The following STRN variants were observed in gnomAD, a reference collection of about 807,000 sequenced individuals.
STRN encodes protein phosphatase 2 regulatory subunit B'''alpha.
STRN carries 53 observed loss-of-function variants against 96.3 expected under a neutral mutation model. The observed-to-expected ratio is 0.55, with a 90% confidence interval of 0.44 to 0.69. The LOEUF (loss-of-function observed/expected upper bound fraction) is 0.69, where lower values mean the gene tolerates loss of function less well. Ranked by LOEUF, STRN falls within the 30% of genes least tolerant of loss-of-function variation. STRN has a pLI of 0.00. For synonymous variants in STRN, 428 were observed against 355.9 expected (o/e 1.20, Z -2.28); for missense variants, 987 against 963.9 (o/e 1.02, Z -0.32).
At chr2:36,902,085 A>C (rs1415439393) in intron 5 of STRN, among the ~76,000 whole-genome samples, 1 of 152,230 alleles carries the variant, frequency 6.6e-6, no homozygotes, top group East Asian at 1.9e-4. Context: ...ATGGAAAACA[A>C]AATATTTCAA....
At chr2:36,921,477 T>G (rs919680295) in intron 2 of STRN, among the ~76,000 whole-genome samples, 1 of 152,202 alleles carries the variant, frequency 6.6e-6, no homozygotes, top group Non-Finnish European at 1.5e-5. Flanking sequence ...TACTGATGAT[T>G]CCCAAGCATA....
intron 12 of STRN, among the ~76,000 whole-genome samples, chr2:36,866,093 C>T (rs1668614702): frequency 6.6e-6 from 1 of 151,990 alleles, no homozygotes; most frequent in Non-Finnish European, 1.5e-5. Context: ...TTATTTGAGA[C>T]AGGGTATCGC....
intron 13 of STRN, among the ~76,000 whole-genome samples, chr2:36,859,819 C>G (rs1342756795): frequency 6.6e-6 from 1 of 152,066 alleles, no homozygotes. Context: ...CAGATACAGC[C>G]AATACATCCA....
intron 1 of STRN, among the ~76,000 whole-genome samples, chr2:36,932,731 C>T (rs1039884518): frequency 1.3e-5 from 2 of 152,128 alleles, no homozygotes; most frequent in African/African-American, 4.8e-5. Flanking sequence ...CATTTTACCT[C>T]TGAAATGCTA....
intron 1 of STRN, among the ~76,000 whole-genome samples, chr2:36,926,634 A>T (rs1291837085): frequency 6.6e-6 from 1 of 152,130 alleles, no homozygotes; most frequent in Non-Finnish European, 1.5e-5. Flanking sequence ...CAACTTATCT[A>T]GTCTCTTATA....
Position 36,845,315 on chromosome 2 carries a change from A to T in STRN, c.*4141T>A, listed in dbSNP as rs933953997. 2.0e-5 allele frequency: 3 copies of T among 152,164 alleles called. No homozygotes were observed. Among genetic ancestry groups the T allele is most frequent in the African/African-American group, 7.2e-5 (3 of 41,442 alleles). 9.4% of individuals were successfully genotyped at this position (152,164 alleles called of 1,614,324 possible). On this transcript the variant is annotated 3_prime_UTR_variant, in exon 18 of 18. Coordinates refer to ENST00000263918, the MANE Select transcript of STRN (RefSeq NM_003162.4). ...GTCTGATTTGTGACATCTTAATACA[A>T]TATAACTTAAATGACAAAGCCTGAG...
chr2:36,856,124 C>T (rs1238125141), intron 14 of STRN, among the ~76,000 whole-genome samples: 2 of 152,184 alleles, frequency 1.3e-5, no homozygotes, highest in African/African-American at 4.8e-5. Context: ...AATACTACTA[C>T]ACATCCACCA....
intron 9 of STRN, among the ~76,000 whole-genome samples, chr2:36,878,303 A>G (rs1668969902): frequency 6.6e-6 from 1 of 152,212 alleles, no homozygotes; most frequent in Non-Finnish European, 1.5e-5. Flanking sequence ...ATAGAAAAAT[A>G]ATGACTATAG....
At chr2:36,917,830 GA>G (rs146476549) in intron 2 of STRN, among the ~76,000 whole-genome samples, 4,226 of 152,038 alleles carry the variant, frequency 0.028, 89 homozygotes, top group African/African-American at 0.064. Context: ...CATTAAGAAG[GA>G]AAAAAATATA....
intron 10 of STRN, among the ~76,000 whole-genome samples, chr2:36,872,385 C>T (rs527274639): frequency 6.6e-6 from 1 of 152,302 alleles, no homozygotes; most frequent in South Asian, 2.1e-4. Flanking sequence ...AGCTTGAAAG[C>T]AGATCCACCC....
intron 1 of STRN, among the ~76,000 whole-genome samples, chr2:36,932,311 C>T (rs368722096): frequency 6.6e-6 from 1 of 152,126 alleles, no homozygotes; most frequent in African/African-American, 2.4e-5. Flanking sequence ...CCCGCCACTG[C>T]GTCTGGCTAA....
chr2:36,887,088 G>A (rs1158419069), intron 7 of STRN, among the ~76,000 whole-genome samples: 4 of 144,170 alleles, frequency 2.8e-5, no homozygotes, highest in Admixed American at 2.1e-4. Context: ...CACACACACG[G>A]AAGATTTTAG....
intron 1 of STRN, among the ~76,000 whole-genome samples, chr2:36,932,391 G>A (rs1039916156): frequency 1.3e-5 from 2 of 152,114 alleles, no homozygotes; most frequent in African/African-American, 2.4e-5. Flanking sequence ...CTGACCTCGG[G>A]TGATCTGCCT....
chr2:36,940,071 T>C (rs1437763231), intron 1 of STRN, among the ~76,000 whole-genome samples: 1 of 152,202 alleles, frequency 6.6e-6, no homozygotes, highest in Non-Finnish European at 1.5e-5. Context: ...CTACATAAAA[T>C]ACTGATAGTT....
At chr2:36,901,868 A>C (rs1423057437) in intron 5 of STRN, among the ~76,000 whole-genome samples, 2 of 152,196 alleles carry the variant, frequency 1.3e-5, no homozygotes, top group African/African-American at 2.4e-5. Context: ...TTCTTGCTAG[A>C]AAATTTATAG....
At chr2:36,940,656 T>C (rs1301854726) in intron 1 of STRN, among the ~76,000 whole-genome samples, 2 of 150,712 alleles carry the variant, frequency 1.3e-5, no homozygotes, top group Admixed American at 6.6e-5. Flanking sequence ...TGAAACCCCA[T>C]CTCTACTAAA....
At chr2:36,959,530 C>T (rs930462404) in intron 1 of STRN, among the ~76,000 whole-genome samples, 1 of 152,202 alleles carries the variant, frequency 6.6e-6, no homozygotes, top group African/African-American at 2.4e-5. Flanking sequence ...CTCTGAACCT[C>T]ACTTTACCTA....
intron 3 of STRN, among the ~76,000 whole-genome samples, chr2:36,913,116 C>T (rs1243351635): frequency 6.6e-6 from 1 of 152,172 alleles, no homozygotes; most frequent in East Asian, 1.9e-4. Context: ...ATCCTCTAAC[C>T]AGTTGCCCCA....
intron 1 of STRN, among the ~76,000 whole-genome samples, chr2:36,948,306 G>C (rs1030552760): frequency 5.3e-5 from 8 of 151,632 alleles, no homozygotes. Flanking sequence ...CACCATGTTG[G>C]CCAGGCTGGT....
Sources: allele counts gnomAD v4.1 joint callset (sites outside exome capture counted in the v4.1 genomes callset), GRCh38; gene constraint gnomAD v4.1.1; transcripts MANE v1.5; gene names NCBI Gene and HGNC (gene_info 2026-07-23, HGNC 2026-07-21).